NDST3: variants seen among roughly 807,000 people sequenced by gnomAD.
The protein encoded by NDST3 is bifunctional heparan sulfate N-deacetylase/N-sulfotransferase 3.
A neutral mutation model predicts 96.1 loss-of-function variants in NDST3; 58 were observed. That is an observed-to-expected ratio of 0.60 (90% CI 0.49 to 0.75). The LOEUF (loss-of-function observed/expected upper bound fraction) is 0.75. Ranked by LOEUF, NDST3 falls within the 30% of genes least tolerant of loss-of-function variation. The pLI is 0.00. For missense variants in NDST3, 788 were observed against 1,034.2 expected, an observed-to-expected ratio of 0.76 and a Z score of 3.27; for synonymous variants, 333 against 359.7, an observed-to-expected ratio of 0.93 and a Z score of 0.84.
chr4:118,118,743 A>AT lies in NDST3; in HGVS notation c.1224+3792dup, dbSNP rs916789450. 4.0e-4 allele frequency among the ~76,000 whole-genome samples: 60 copies of AT among 151,624 alleles called. 1 individual carries two copies. Among genetic ancestry groups the AT allele is most frequent in the Middle Eastern group, 3.4e-3 (1 of 294 alleles). On this transcript the variant is annotated intron_variant, in intron 4 of 13. Coordinates refer to ENST00000296499, the MANE Select transcript of NDST3 (RefSeq NM_004784.3). ...GGTTAAACTGCAATTTCAACAGGGGATTTTTTTTTGGAAAGGTACAAATTC... is the reference window on the plus strand; with the variant it reads ...GGTTAAACTGCAATTTCAACAGGGGATTTTTTTTTTGGAAAGGTACAAATTC...
intron 2 of NDST3, among the ~76,000 whole-genome samples, chr4:118,098,539 T>A (rs1164778639): frequency 6.6e-6 from 1 of 152,022 alleles, no homozygotes; most frequent in African/African-American, 2.4e-5. Flanking sequence ...CAATTTCAGC[T>A]CAAGAACTCC....
At chr4:118,241,680 TTTC>T (rs1226052630) in intron 11 of NDST3, among the ~76,000 whole-genome samples, 1 of 152,248 alleles carries the variant, frequency 6.6e-6, no homozygotes, top group Non-Finnish European at 1.5e-5. Context: ...TATTATAACC[TTTC>T]TTCTTTTCTA....
chr4:118,114,812 A>G lies in NDST3; in HGVS notation c.1076A>G (p.Glu359Gly). 6.2e-7 allele frequency: 1 copy of G among 1,613,834 alleles called. No individual in the cohort carries two copies. Among genetic ancestry groups the G allele is most frequent in the Non-Finnish European group, 8.5e-7 (1 of 1,179,798 alleles). The change falls in exon 4 of 14, where the codon GAA becomes GGA. Residue 359 changes from glutamate to glycine, a missense_variant. Around this residue, in one of 3 missense-constraint regions of NDST3, gnomAD observed 490 missense variants for 708.8 expected, o/e 0.69. Transcript: ENST00000296499. ...FSGKFYHTGT[E>G]EEDEGDDCLL... ...AATATTTCCCCCCCTAAAGGAACTG[A>G]AGAGGAAGATGAAGGAGATGACTGT...
Position 118,250,709 on chromosome 4 carries a change from C to A in NDST3, c.2400-2790C>A, listed in dbSNP as rs1323305620. On this transcript the variant is annotated intron_variant, in intron 12 of 13. Transcript: ENST00000296499. ...ATGTTGGTCAGGCTGGTCTTGAACTCCCGACCTCAGCTGATCCGCCCACCT... is the reference window on the plus strand; with the variant it reads ...ATGTTGGTCAGGCTGGTCTTGAACTACCGACCTCAGCTGATCCGCCCACCT... Among the ~76,000 whole-genome samples the A allele has an allele frequency of 2.6e-5, 4 of 152,156 alleles. No individual in the cohort carries two copies. The South Asian group carries it at 8.3e-4, about 32-fold the overall frequency.
At chr4:118,060,667 A>C (rs1040426583) in intron 2 of NDST3, among the ~76,000 whole-genome samples, 3 of 151,520 alleles carry the variant, frequency 2.0e-5, no homozygotes, top group Non-Finnish European at 2.9e-5. Flanking sequence ...CTTCATTTGA[A>C]TTGTCAGTTT....
chr4:118,046,294 T>C (rs544554881), intron 1 of NDST3, among the ~76,000 whole-genome samples: 2 of 152,252 alleles, frequency 1.3e-5, no homozygotes, highest in South Asian at 2.1e-4. Context: ...GGGGATCTGA[T>C]TGGAGAGTAG....
chr4:118,186,592 T>A (rs1450895981), intron 6 of NDST3, among the ~76,000 whole-genome samples: 4 of 152,190 alleles, frequency 2.6e-5, no homozygotes, highest in Non-Finnish European at 4.4e-5. Context: ...CATTGGCAGC[T>A]GATTAGATTG....
At chr4:118,247,128 A>G (rs1368765727) in intron 12 of NDST3, among the ~76,000 whole-genome samples, 1 of 152,142 alleles carries the variant, frequency 6.6e-6, no homozygotes, top group Non-Finnish European at 1.5e-5. Flanking sequence ...CATTATTCAT[A>G]ATAGCTAAAA....
chr4:118,138,114 C>T lies in NDST3; in HGVS notation c.1285C>T (p.Pro429Ser), dbSNP rs1733271553. 1 of 1,613,806 alleles carries T rather than the reference C, an allele frequency of 6.2e-7. No individual in the cohort carries two copies. The highest frequency in any genetic ancestry group is 1.3e-5 in the African/African-American group (1 of 74,870). ...AVAPHHSGVY[P>S]VHVQLYEAWK... ...GGCCCCTCACCATTCGGGCGTCTAC[C>T]CTGTACATGTTCAGCTTTATGAGGC... is the stretch of plus-strand genomic sequence containing the variant. The change falls in exon 5 of 14, where the codon CCT becomes TCT. Residue 429 changes from proline (P) to serine (S), a missense_variant. By Grantham distance (74) the Pro-to-Ser change is moderately conservative (BLOSUM62 -1). Around this residue, in one of 3 missense-constraint regions of NDST3, gnomAD observed 490 missense variants for 708.8 expected, o/e 0.69. Coordinates refer to ENST00000296499, the MANE Select transcript of NDST3 (RefSeq NM_004784.3).
chr4:118,239,296 G>A (rs994997308), intron 10 of NDST3, among the ~76,000 whole-genome samples: 6 of 152,156 alleles, frequency 3.9e-5, no homozygotes, highest in Non-Finnish European at 1.5e-5. Flanking sequence ...ACAGATTGTT[G>A]GAAAAGGTTT....
chr4:118,222,137 A>G (rs1739589063), intron 6 of NDST3, among the ~76,000 whole-genome samples: 1 of 151,940 alleles, frequency 6.6e-6, no homozygotes, highest in Admixed American at 6.6e-5. Flanking sequence ...TATGCTGTAC[A>G]GAAATTGTTG....
chr4:118,190,357 A>G (rs1401920312), intron 6 of NDST3, among the ~76,000 whole-genome samples: 1 of 152,218 alleles, frequency 6.6e-6, no homozygotes, highest in Non-Finnish European at 1.5e-5. Context: ...AATTAAACTC[A>G]TGTTTAATAA....
intron 6 of NDST3, among the ~76,000 whole-genome samples, chr4:118,152,284 A>AT (rs1316269956): frequency 6.6e-6 from 1 of 152,132 alleles, no homozygotes; most frequent in East Asian, 1.9e-4. Flanking sequence ...TTGAGTTGAT[A>AT]TAGTTTAAAG....
rs573623078 is a variant in NDST3 at position 118,129,924 on chromosome 4, T to C, written c.1225-8130T>C. The stretch of plus-strand genomic sequence containing the variant: ...TATACTATTACGGGGTTGACTCCTT[T>C]ATCATTATATAGTGACCTTCTTTGT... On this transcript the variant is annotated intron_variant, in intron 4 of 13. Coordinates refer to ENST00000296499, the MANE Select transcript of NDST3 (RefSeq NM_004784.3). 2.0e-5 allele frequency among the ~76,000 whole-genome samples: 3 copies of C among 152,244 alleles called. No homozygotes were observed. In the East Asian group the frequency reaches 5.8e-4, roughly 29 times the overall value.
At chr4:118,114,107 G>A (rs2125864037) in intron 3 of NDST3, among the ~76,000 whole-genome samples, 1 of 151,882 alleles carries the variant, frequency 6.6e-6, no homozygotes, top group East Asian at 1.9e-4. Flanking sequence ...AGAGTTTCGT[G>A]ATGCAAAATC....
At chr4:118,192,016 T>G (rs1737338454) in intron 6 of NDST3, among the ~76,000 whole-genome samples, 1 of 152,254 alleles carries the variant, frequency 6.6e-6, no homozygotes, top group Admixed American at 6.5e-5. Flanking sequence ...TAGTTTTGAT[T>G]TGCACTTCTC....
intron 2 of NDST3, among the ~76,000 whole-genome samples, chr4:118,086,667 C>A (rs1469019498): frequency 1.3e-5 from 2 of 152,120 alleles, no homozygotes; most frequent in African/African-American, 4.8e-5. Flanking sequence ...CCTTAACTCG[C>A]AGGACATCAG....
intron 13 of NDST3, among the ~76,000 whole-genome samples, chr4:118,254,058 T>C (rs923656600): frequency 1.3e-5 from 2 of 151,976 alleles, no homozygotes; most frequent in Non-Finnish European, 2.9e-5. Flanking sequence ...CTGGCCAACA[T>C]GATAAAACCC....
chr4:118,168,315 G>A (rs1371443552), intron 6 of NDST3, among the ~76,000 whole-genome samples: 1 of 151,950 alleles, frequency 6.6e-6, no homozygotes, highest in Non-Finnish European at 1.5e-5. Context: ...CATATGAAAA[G>A]AAATTATAGG....
Sources: allele counts gnomAD v4.1 joint callset (sites outside exome capture counted in the v4.1 genomes callset), GRCh38; gene constraint gnomAD v4.1.1; regional missense constraint gnomAD v4.1.1; transcripts MANE v1.5; gene names NCBI Gene and HGNC (gene_info 2026-07-23, HGNC 2026-07-21).